The following MYO1G variants were observed in gnomAD, a reference collection of about 807,000 sequenced individuals.
The protein encoded by MYO1G is myosin IG.
Under a neutral mutation model 115.3 loss-of-function variants are expected in MYO1G, and 65 were observed. The ratio of observed to expected loss-of-function variants is 0.56; its 90% CI spans 0.46 to 0.69. MYO1G has a LOEUF of 0.69. Among genes scored for constraint, MYO1G ranks in the 30% least tolerant of loss-of-function variants. MYO1G has a pLI of 0.00. For synonymous variants in MYO1G, 510 were observed against 552.6 expected (o/e 0.92, Z 1.08); for missense variants, 1,204 against 1,393.5 (o/e 0.86, Z 2.16).
chr7:44,964,272 G>A lies in MYO1G; in HGVS notation c.2632-110C>T. ...CTCCCCGCTGGCGACAGTTTTGGGA[G>A]TGTCAGGAGCAGCTGGGCCTGGGCT... On this transcript the variant is annotated intron_variant, in intron 19 of 21. Coordinates refer to ENST00000258787, the MANE Select transcript of MYO1G (RefSeq NM_033054.3). The surrounding 1 kb of genome is among the most constrained non-coding windows in gnomAD (Gnocchi z 5.1). 1 of 1,294,122 alleles carries A rather than the reference G, an allele frequency of 7.7e-7. No individual in the cohort carries two copies. 80.2% of individuals were successfully genotyped at this position (1,294,122 alleles called of 1,614,324 possible). A position where few individuals can be genotyped will look rare whatever the true frequency, so the allele number is the denominator to read the frequency against.
rs1319277384 is a variant in MYO1G, at chr7:44,970,699, C to A, written c.1110G>T (p.Arg370Ser). Residue 370 changes from arginine (R) to serine (S), a missense_variant, in exon 9 of 22, where the codon AGG (arginine) becomes AGT (serine). Coordinates refer to ENST00000258787, the MANE Select transcript of MYO1G (RefSeq NM_033054.3). Reference protein sequence around the residue: ...YQRLFEWVVNRINSVMEPRGR... With the variant: ...YQRLFEWVVNSINSVMEPRGR... ...CCCGGGGTTCCATGACACTGTTGAT[C>A]CTGTTCACCACCCACTCAAACAGCC... 3 of 1,613,880 alleles carry A rather than the reference C, an allele frequency of 1.9e-6. No homozygotes were observed. Among genetic ancestry groups the A allele is most frequent in the Non-Finnish European group, 2.5e-6 (3 of 1,180,052 alleles).
intron 4 of MYO1G, 103 bp from the exon 5 acceptor site, chr7:44,975,330 T>A (rs942591656): frequency 6.6e-7 from 1 of 1,514,870 alleles, no homozygotes; most frequent in African/African-American, 1.4e-5. Context: ...GGTCAGAGAG[T>A]CCTGACTATG....
chr7:44,977,139 C>T, intron 1 of MYO1G, 68 bp from the exon 2 acceptor site: 3 of 1,498,446 alleles, frequency 2.0e-6, no homozygotes, highest in Non-Finnish European at 2.7e-6. Flanking sequence ...TTCGCCAGAG[C>T]CCATATCAGG....
chr7:44,964,023 C>T lies in MYO1G; in HGVS notation c.2745+26G>A. The T allele has an allele frequency of 6.5e-7, 1 of 1,539,578 alleles. No homozygotes were observed. The highest frequency in any genetic ancestry group is 8.8e-7 in the Non-Finnish European group (1 of 1,134,256). ...AGCAGTGCCCCTCACAGATGCTGCA[C>T]CCTACTCCCCACCCACATTGCTCAC... On this transcript the variant is annotated intron_variant, in intron 20 of 21. Coordinates refer to ENST00000258787, the MANE Select transcript of MYO1G (RefSeq NM_033054.3). This position sits in a 1 kb window ranked among gnomAD's most constrained non-coding sequence, Gnocchi z 5.1.
At position 44,965,621 on chromosome 7, in the gene MYO1G, G is replaced by C; in HGVS notation, c.2381+16C>G. ...ATGCCAGCTGAATGGAATGTGTGGT[G>C]GGCTGAGAGTAGTACCTGCAGAAGA... On this transcript the variant is annotated intron_variant, in intron 17 of 21. Coordinates refer to ENST00000258787, the MANE Select transcript of MYO1G (RefSeq NM_033054.3). 3 of 1,605,928 alleles carry C rather than the reference G, an allele frequency of 1.9e-6. No individual in the cohort carries two copies. The highest frequency in any genetic ancestry group is 2.6e-6 in the Non-Finnish European group (3 of 1,173,196).
rs763412382 is a variant in MYO1G at position 44,969,810 on chromosome 7, G to T, written c.1398C>A (p.Ala466=). Residue 466 remains alanine (A), a synonymous_variant, in exon 11 of 22, where the codon GCC becomes GCA. Coordinates refer to ENST00000258787, the MANE Select transcript of MYO1G (RefSeq NM_033054.3). This position sits in a 1 kb window ranked among gnomAD's most constrained non-coding sequence, Gnocchi z 5.0. ...LVERPHRGIL[A]VLDEACSSAG... is the part of the protein sequence containing the mutation. Reference sequence around the variant, plus strand: ...CAGAGCTGCAGGCCTCGTCCAGCACGGCCAGGATGCCACGGTGGGGCCGCT... The same window carrying T: ...CAGAGCTGCAGGCCTCGTCCAGCACTGCCAGGATGCCACGGTGGGGCCGCT... The T allele has an allele frequency of 6.2e-7, 1 of 1,613,264 alleles. No homozygotes were observed. Among genetic ancestry groups the T allele is most frequent in the Non-Finnish European group, 8.5e-7 (1 of 1,179,894 alleles).
chr7:44,976,543 G>A (rs1294314418), intron 3 of MYO1G, 21 bp downstream of exon 3: 2 of 1,612,324 alleles, frequency 1.2e-6, no homozygotes, highest in East Asian at 2.2e-5. Flanking sequence ...CTGAGGCCCA[G>A]AGCTGCCCAT....
rs1795025801 is a variant in MYO1G at position 44,975,184 on chromosome 7, G to A, written c.608C>T (p.Ala203Val). The A allele has an allele frequency of 2.5e-6, 4 of 1,613,980 alleles. No individual in the cohort carries two copies. Among genetic ancestry groups the A allele is most frequent in the East Asian group, 4.5e-5 (2 of 44,884 alleles). ...KQHVGERNFHAFYQLLRGSED... is the reference protein window; with the variant it reads ...KQHVGERNFHVFYQLLRGSED... ...GCCCTCAGGGCTTACTTGGTAGAAG[G>A]CGTGGAAGTTTCTTTCACCCACGTG... Residue 203 changes from alanine (A) to valine (V), a missense_variant, in exon 5 of 22, where the codon GCC (alanine) becomes GTC (valine). Coordinates refer to ENST00000258787, the MANE Select transcript of MYO1G (RefSeq NM_033054.3).
chr7:44,978,356 C>T (rs1433519786), intron 1 of MYO1G, among the ~76,000 whole-genome samples: 1 of 152,192 alleles, frequency 6.6e-6, no homozygotes, highest in Non-Finnish European at 1.5e-5. Flanking sequence ...GTCACCTCAA[C>T]TTGGTGGGAA....
At chr7:44,971,502 C>T (rs1562831486) in intron 7 of MYO1G, among the ~76,000 whole-genome samples, 171 bp downstream of exon 7, 1 of 152,184 alleles carries the variant, frequency 6.6e-6, no homozygotes, top group East Asian at 1.9e-4. Context: ...GGGTCTGGAC[C>T]ATGTATCAAC....
chr7:44,977,273 T>G (rs1795073590), intron 1 of MYO1G, among the ~76,000 whole-genome samples: 1 of 152,246 alleles, frequency 6.6e-6, no homozygotes, highest in Non-Finnish European at 1.5e-5. Context: ...ACTCAGAGAC[T>G]GTCTCCATTG....
In MYO1G at chr7:44,963,516, T is replaced by C. The variant is rs1161170821; in HGVS notation, c.2746-392A>G. The C allele has an allele frequency of 8.9e-6, 2 of 224,356 alleles. No individual in the cohort carries two copies. Among genetic ancestry groups the C allele is most frequent in the Non-Finnish European group, 1.7e-5 (2 of 115,176 alleles). 13.9% of individuals were successfully genotyped at this position (224,356 alleles called of 1,614,324 possible). Reference sequence around the variant, plus strand: ...GCTGTGGCATTACACAGCAAGGCACTCACCGCCCTTTCTATTGGGACAGTC... The same window carrying C: ...GCTGTGGCATTACACAGCAAGGCACCCACCGCCCTTTCTATTGGGACAGTC... On this transcript the variant is annotated intron_variant, in intron 20 of 21. Coordinates refer to ENST00000258787, the MANE Select transcript of MYO1G (RefSeq NM_033054.3). This position sits in a 1 kb window ranked among gnomAD's most constrained non-coding sequence, Gnocchi z 4.1.
chr7:44,962,892 C>T lies in MYO1G; in HGVS notation c.2904G>A (p.Glu968=). ...AGACGCGAACCTCCAGGGTGCGGCC[C>T]TCCCTGCGGCAGGAGGAGGGGTCAG... ...VGVLAAHCQG[E]GRTLEVRVSD... Residue 968 remains glutamate (E), a synonymous_variant, in exon 22 of 22, where the codon GAG becomes GAA. Transcript: ENST00000258787. The surrounding 1 kb of genome is among the most constrained non-coding windows in gnomAD (Gnocchi z 5.3). 5.4e-6 allele frequency: 8 copies of T among 1,489,324 alleles called. No individual in the cohort carries two copies. The highest frequency in any genetic ancestry group is 7.1e-6 in the Non-Finnish European group (8 of 1,121,480). 92.3% of individuals were successfully genotyped at this position (1,489,324 alleles called of 1,614,324 possible). A position where few individuals can be genotyped will look rare whatever the true frequency, so the allele number is the denominator to read the frequency against.
At chr7:44,974,348 C>T (rs1055237320) in intron 5 of MYO1G, 1 of 151,980 alleles carries the variant, frequency 6.6e-6, no homozygotes, top group Admixed American at 6.6e-5. Flanking sequence ...CTGTGCTTGT[C>T]TCAGGGAGCT....
chr7:44,969,169 T>G lies in MYO1G; in HGVS notation c.1574+244A>C. ...TAGGGTTGGGCCCAGACATGAGACG[T>G]GGGTATTTTTTAAAGGCTCCCAGAA... On this transcript the variant is annotated intron_variant, in intron 12 of 21. Coordinates refer to ENST00000258787, the MANE Select transcript of MYO1G (RefSeq NM_033054.3). The surrounding 1 kb of genome is among the most constrained non-coding windows in gnomAD (Gnocchi z 5.0). 1 of 418,142 alleles carries G rather than the reference T, an allele frequency of 2.4e-6. No homozygotes were observed. 25.9% of individuals were successfully genotyped at this position (418,142 alleles called of 1,614,324 possible). A position where few individuals can be genotyped will look rare whatever the true frequency, so the allele number is the denominator to read the frequency against.
At chr7:44,976,766 C>T (rs917887429) in intron 2 of MYO1G, 97 bp downstream of exon 2, 2 of 1,570,790 alleles carry the variant, frequency 1.3e-6, no homozygotes. Flanking sequence ...CTAGGGCCCC[C>T]ATCAGGACAC....
Position 44,975,626 on chromosome 7 carries a change from G to C in MYO1G, c.422C>G (p.Ser141Cys). ...GCCAAAGGCCTCCAGCACACAGGTG[G>C]ACTTGAGCAGCACGTCCTTGACCCT... ...VERVKDVLLK[S>C]TCVLEAFGNA... Residue 141 changes from serine to cysteine, a missense_variant, in exon 4 of 22, where the codon TCC (serine) becomes TGC (cysteine). Coordinates refer to ENST00000258787, the MANE Select transcript of MYO1G (RefSeq NM_033054.3). The C allele has an allele frequency of 6.2e-7, 1 of 1,612,902 alleles. No individual in the cohort carries two copies. Among genetic ancestry groups the C allele is most frequent in the Non-Finnish European group, 8.5e-7 (1 of 1,179,238 alleles).
intron 2 of MYO1G, 82 bp from the exon 3 acceptor site, chr7:44,976,739 A>G: frequency 6.3e-7 from 1 of 1,586,226 alleles, no homozygotes. Flanking sequence ...CACCCCCAAG[A>G]CTGGCAAGAT....
At position 44,978,932 on chromosome 7, in the gene MYO1G, G is replaced by A. The variant is rs1364080901; in HGVS notation, c.30C>T (p.Gly10=). 2.5e-6 allele frequency: 4 copies of A among 1,614,036 alleles called. No homozygotes were observed. Among genetic ancestry groups the A allele is most frequent in the Admixed American group, 1.7e-5 (1 of 60,010 alleles). The change falls in exon 1 of 22, where the codon GGC becomes GGT. Residue 10 remains glycine (G), a synonymous_variant. Transcript: ENST00000258787. The part of the protein sequence containing the change: MEDEEGPEY[G]KPDFVLLDQV... ...GGTCCAAAAGCACAAAGTCAGGTTT[G>A]CCATACTCAGGGCCTTCCTCGTCCT...
Sources: allele counts gnomAD v4.1 joint callset (sites outside exome capture counted in the v4.1 genomes callset), GRCh38; gene constraint gnomAD v4.1.1; non-coding constraint Gnocchi (gnomAD v3.1); transcripts MANE v1.5; gene names NCBI Gene and HGNC (gene_info 2026-07-23, HGNC 2026-07-21).